The following ADGRV1 variants were observed in gnomAD, a reference collection of about 807,000 sequenced individuals.
ADGRV1 encodes adhesion G protein-coupled receptor V1.
Under a neutral mutation model 596.2 loss-of-function variants are expected in ADGRV1, and 359 were observed. The observed-to-expected ratio is 0.60, with a 90% CI of 0.55 to 0.66. ADGRV1 has a LOEUF of 0.66. Among genes scored for constraint, ADGRV1 ranks in the 30% least tolerant of loss-of-function variants. The pLI is 0.00. For synonymous variants in ADGRV1, 2,681 were observed against 2,679.2 expected (o/e 1.00, Z -0.02); for missense variants, 7,274 against 7,575.6 (o/e 0.96, Z 1.48).
chr5:90,812,094 AT>A (rs1378652509), intron 74 of ADGRV1, among the ~76,000 whole-genome samples: 2 of 151,544 alleles, frequency 1.3e-5, no homozygotes, highest in African/African-American at 4.8e-5. Context: ...CGCCCGGCTA[AT>A]TTTTTTTATT....
In ADGRV1 at chr5:90,690,818, T is replaced by C. The variant is rs1050561499; in HGVS notation, c.6728T>C (p.Ile2243Thr). 10 of 1,597,622 alleles carry C rather than the reference T, an allele frequency of 6.3e-6. No homozygotes were observed. The East Asian group carries it at 6.7e-5, about 11-fold the overall frequency. The stretch of plus-strand genomic sequence containing the variant: ...TCAGGTTTTCAGATTACTAAACTTA[T>C]TGTAGAGGAACCTGAGTTTAACTCA... The part of the protein sequence containing the change: ...GLFGFQITKL[I>T]VEEPEFNSVK... Residue 2243 changes from isoleucine to threonine, a missense_variant, in exon 31 of 90, where the codon ATT (isoleucine) becomes ACT (threonine). Coordinates refer to ENST00000405460, the MANE Select transcript of ADGRV1 (RefSeq NM_032119.4).
At position 90,870,095 on chromosome 5, in the gene ADGRV1, C is replaced by T. The variant is rs115350073; in HGVS notation, c.17856+6238C>T. On this transcript the variant is annotated intron_variant, in intron 83 of 89. Transcript: ENST00000405460. ...TTTGAGCATGAGGGGTTTAAGGTTTCCATAGCATGGAGATTTAGATGTTAT... is the reference window on the plus strand; with the variant it reads ...TTTGAGCATGAGGGGTTTAAGGTTTTCATAGCATGGAGATTTAGATGTTAT... Among the ~76,000 whole-genome samples the T allele has an allele frequency of 6.8e-3, 1,035 of 152,224 alleles. 3 individuals carry two copies. Among genetic ancestry groups the T allele is most frequent in the Non-Finnish European group, 0.01 (706 of 68,010 alleles).
intron 67 of ADGRV1, among the ~76,000 whole-genome samples, chr5:90,786,081 T>A (rs372472360): frequency 1.2e-4 from 18 of 152,070 alleles, no homozygotes; most frequent in African/African-American, 4.3e-4. Flanking sequence ...ATAAAAAGGA[T>A]GAGTTCATGT....
intron 88 of ADGRV1, among the ~76,000 whole-genome samples, chr5:91,150,496 G>C (rs1004401355): frequency 6.6e-6 from 1 of 152,144 alleles, no homozygotes; most frequent in Non-Finnish European, 1.5e-5. Context: ...CCAGCAGTTT[G>C]TGTTGGGAAA....
intron 11 of ADGRV1, among the ~76,000 whole-genome samples, chr5:90,639,290 A>G (rs1483699327): frequency 6.6e-6 from 1 of 152,176 alleles, no homozygotes; most frequent in Non-Finnish European, 1.5e-5. Flanking sequence ...ACAATCTTGA[A>G]AACAACTAAA....
intron 1 of ADGRV1, 83 bp downstream of exon 1, chr5:90,559,000 T>G: frequency 7.7e-7 from 1 of 1,295,284 alleles, no homozygotes. Flanking sequence ...TTGCTGCAGG[T>G]GGGCGGCGAG....
At chr5:90,915,103 A>T (rs1443778634) in intron 83 of ADGRV1, among the ~76,000 whole-genome samples, 1 of 152,196 alleles carries the variant, frequency 6.6e-6, no homozygotes, top group African/African-American at 2.4e-5. Context: ...TTGCAAACAT[A>T]AACTTTTAAA....
In ADGRV1 at chr5:90,653,681, A is replaced by C; in HGVS notation, c.4107A>C (p.Gly1369=). 1 of 1,613,400 alleles carries C rather than the reference A, an allele frequency of 6.2e-7. No individual in the cohort carries two copies. The highest frequency in any genetic ancestry group is 8.5e-7 in the Non-Finnish European group (1 of 1,179,682). Residue 1369 remains glycine (G), a synonymous_variant, in exon 20 of 90, where the codon GGA becomes GGC. Coordinates refer to ENST00000405460, the MANE Select transcript of ADGRV1 (RefSeq NM_032119.4). ...AWVMPNANTN[G]FIIAKDDGNG... Reference sequence around the variant, plus strand: ...TAATGCCCAATGCCAATACGAATGGATTCATTATAGCGAAGGATGACGGTA... The same window carrying C: ...TAATGCCCAATGCCAATACGAATGGCTTCATTATAGCGAAGGATGACGGTA...
At chr5:90,706,442 G>A in intron 38 of ADGRV1, 48 bp downstream of exon 38, 1 of 1,440,226 alleles carries the variant, frequency 6.9e-7, no homozygotes, top group Non-Finnish European at 9.3e-7. Flanking sequence ...AGTTTAATAA[G>A]TTTTTTTTAT....
At chr5:91,088,583 A>G (rs1790094242) in intron 86 of ADGRV1, among the ~76,000 whole-genome samples, 1 of 152,136 alleles carries the variant, frequency 6.6e-6, no homozygotes, top group Admixed American at 6.5e-5. Context: ...GTCTTAAACT[A>G]TTAATGTCAA....
intron 4 of ADGRV1, 85 bp downstream of exon 4, chr5:90,619,266 TATC>T: frequency 1.8e-6 from 1 of 569,080 alleles, no homozygotes; most frequent in Non-Finnish European, 3.0e-6. Context: ...TGTTAGCTAG[TATC>T]ATGCTGTGTT....
At chr5:90,893,101 C>T (rs1271186501) in intron 83 of ADGRV1, among the ~76,000 whole-genome samples, 2 of 152,216 alleles carry the variant, frequency 1.3e-5, no homozygotes, top group African/African-American at 2.4e-5. Context: ...TTGGCTTCTG[C>T]TGTTCATGAG....
Position 90,658,070 on chromosome 5 carries a change from A to G in ADGRV1, c.4544A>G (p.Glu1515Gly). ...SDLHPISGYLEFRQGETNKSF... is the reference protein window; with the variant it reads ...SDLHPISGYLGFRQGETNKSF... ...TTACACCCAATTTCTGGATATCTGG[A>G]GTTCAGACAGGGAGAAACTAACAAA... Residue 1515 changes from glutamate to glycine, a missense_variant, in exon 21 of 90, where the codon GAG becomes GGG. This residue lies in a region of ADGRV1 where 3,643 missense variants were observed against 3,809.2 expected (regional missense o/e 0.96). Coordinates refer to ENST00000405460, the MANE Select transcript of ADGRV1 (RefSeq NM_032119.4). The G allele has an allele frequency of 1.2e-6, 2 of 1,613,974 alleles. 1 individual carries two copies. The highest frequency in any genetic ancestry group is 3.3e-5 in the Admixed American group (2 of 60,024).
At position 91,108,956 on chromosome 5, in the gene ADGRV1, ATAT is replaced by A. The variant is rs537556638; in HGVS notation, c.18432+6620_18432+6622del. Among the ~76,000 whole-genome samples the A allele has an allele frequency of 2.2e-4, 33 of 152,288 alleles. No homozygotes were observed. The South Asian group carries it at 6.8e-3, about 32-fold the overall frequency. On this transcript the variant is annotated intron_variant, in intron 87 of 89. Transcript: ENST00000405460. ...AGTAAGAAAATCTTGATCACTTAAA[ATAT>A]TATCTAAAATATTTACCTAAAATTT...
At chr5:90,628,949 CTTTGCAAATGATAGT>C in intron 8 of ADGRV1, 117 bp downstream of exon 8, 1 of 943,808 alleles carries the variant, frequency 1.1e-6, no homozygotes. Context: ...AAAACACTGG[CTTTGCAAATGATAGT>C]TTTCTTACTC....
intron 87 of ADGRV1, among the ~76,000 whole-genome samples, chr5:91,146,406 C>A (rs1185674437): frequency 6.6e-6 from 1 of 152,168 alleles, no homozygotes; most frequent in Non-Finnish European, 1.5e-5. Flanking sequence ...GTGACGAAAG[C>A]CCAGCAATTG....
At chr5:90,608,525 C>G (rs376878366) in intron 1 of ADGRV1, among the ~76,000 whole-genome samples, 2 of 151,998 alleles carry the variant, frequency 1.3e-5, no homozygotes, top group African/African-American at 4.8e-5. Context: ...GACTGAGGCT[C>G]TCAAAATTCT....
chr5:90,779,066 C>G lies in ADGRV1; in HGVS notation c.13051C>G (p.Leu4351Val). 6.2e-7 allele frequency: 1 copy of G among 1,611,774 alleles called. No individual in the cohort carries two copies. The highest frequency in any genetic ancestry group is 8.5e-7 in the Non-Finnish European group (1 of 1,178,314). Residue 4351 changes from leucine (L) to valine (V), a missense_variant, in exon 64 of 90, where the codon CTA (leucine) becomes GTA (valine). Around this residue, in one of 5 missense-constraint regions of ADGRV1, gnomAD observed 3,643 missense variants for 3,809.2 expected, o/e 0.96. Coordinates refer to ENST00000405460, the MANE Select transcript of ADGRV1 (RefSeq NM_032119.4). The stretch of plus-strand genomic sequence containing the variant: ...TCCTGAAGGCCCAGAGGAATTTTCT[C>G]TAACAATTACAAAGGTGGAACTCCA... Reference protein sequence around the residue: ...DYPEGPEEFSLTITKVELQGR... With the variant: ...DYPEGPEEFSVTITKVELQGR...
intron 52 of ADGRV1, among the ~76,000 whole-genome samples, chr5:90,748,777 A>G (rs986648979): frequency 6.7e-5 from 10 of 149,432 alleles, no homozygotes; most frequent in Non-Finnish European, 1.3e-4. Context: ...AAGTTTCTTC[A>G]TGACACTTAT....
Sources: gnomAD v4.1 joint callset for allele counts (sites outside exome capture counted in the v4.1 genomes callset) on GRCh38, gnomAD v4.1.1 for gene constraint, gnomAD v4.1.1 regional missense constraint, MANE v1.5 for transcripts, NCBI Gene and HGNC (gene_info 2026-07-23, HGNC 2026-07-21) for gene names.